PPP2R3B: variants seen among roughly 807,000 people sequenced by gnomAD.
PPP2R3B encodes serine/threonine-protein phosphatase 2A regulatory subunit B'' subunit beta.
A neutral mutation model predicts 72.9 loss-of-function variants in PPP2R3B; 68 were observed. That is an observed-to-expected ratio of 0.93 (90% CI 0.77 to 1.14). PPP2R3B has a LOEUF of 1.14. Among genes scored for constraint, PPP2R3B ranks in the 50% most tolerant of loss-of-function variants. The probability of loss-of-function intolerance (pLI) is 0.00; values close to 1 mark genes in which losing one functional copy is unlikely to be tolerated. For synonymous variants in PPP2R3B, 466 were observed against 375.8 expected (o/e 1.24, Z -2.78); for missense variants, 1,018 against 842.0 (o/e 1.21, Z -2.59).
intron 12 of PPP2R3B, chrX:338,233 G>A (rs2070942845): frequency 2.5e-6 from 1 of 406,202 alleles, no homozygotes; most frequent in Non-Finnish European, 4.6e-6. Flanking sequence ...CGAAGCGGAG[G>A]CTGGAATGGC....
chrX:335,164 G>C (rs954425890), intron 12 of PPP2R3B: 1 of 152,316 alleles, frequency 6.6e-6, no homozygotes, highest in Non-Finnish European at 1.5e-5. Context: ...CGGAGCAGGC[G>C]TGGACACGGT....
intron 12 of PPP2R3B, chrX:335,396 G>A (rs1253978405): frequency 6.6e-6 from 1 of 152,434 alleles, no homozygotes; most frequent in Non-Finnish European, 1.5e-5. Context: ...TGGCTGCCAG[G>A]TCAGAGCCAC....
At chrX:352,585 A>G (rs751833406) in intron 2 of PPP2R3B, among the ~76,000 whole-genome samples, 1 of 92,608 alleles carries the variant, frequency 1.1e-5, no homozygotes, top group East Asian at 4.1e-4. Context: ...GCTGAACCCT[A>G]TTCCATTATG....
chrX:344,240 C>G (rs184672086), intron 7 of PPP2R3B, among the ~76,000 whole-genome samples: 729 of 22,750 alleles, frequency 0.032, 63 homozygotes, highest in Middle Eastern at 0.077. Flanking sequence ...AACGGGAGGC[C>G]GGAGTGAGAC....
At chrX:346,329 G>C in intron 5 of PPP2R3B, 69 bp from the exon 6 acceptor site, 1 of 1,463,658 alleles carries the variant, frequency 6.8e-7, no homozygotes, top group Non-Finnish European at 9.3e-7. Context: ...ACGGAGACCG[G>C]GAGCCGGGAG....
chrX:334,324 G>C lies in PPP2R3B; in HGVS notation c.*43C>G. ...CACGAGCCGCGGTGGCCCGGTGGTG[G>C]CACGTGGGGAGCGGCCCCGCGGCGG... On this transcript the variant is annotated 3_prime_UTR_variant, in exon 13 of 13. Coordinates refer to ENST00000390665, the MANE Select transcript of PPP2R3B (RefSeq NM_013239.5). 1 of 1,439,160 alleles carries C rather than the reference G, an allele frequency of 6.9e-7. No homozygotes were observed. Among genetic ancestry groups the C allele is most frequent in the Non-Finnish European group, 9.1e-7 (1 of 1,101,294 alleles). 89.1% of individuals were successfully genotyped at this position (1,439,160 alleles called of 1,614,324 possible). A position where few individuals can be genotyped will look rare whatever the true frequency, so the allele number is the denominator to read the frequency against.
chrX:353,811 C>A (rs1394850029), intron 2 of PPP2R3B, among the ~76,000 whole-genome samples: 3 of 151,858 alleles, frequency 2.0e-5, no homozygotes, highest in African/African-American at 7.3e-5. Context: ...GGGGCTCACC[C>A]AAGGAGCAGG....
intron 1 of PPP2R3B, among the ~76,000 whole-genome samples, chrX:368,601 G>A (rs762140723): frequency 9.1e-6 from 1 of 109,960 alleles, no homozygotes; most frequent in South Asian, 3.0e-4. Context: ...ACCGACCGGG[G>A]GAAGGCCGGG....
chrX:341,598 G>T (rs1041448967), intron 8 of PPP2R3B: 3 of 663,772 alleles, frequency 4.5e-6, no homozygotes, highest in Non-Finnish European at 7.9e-6. Context: ...TCCAGGCAGG[G>T]TCAGGAGTGC....
rs1176321835 is a variant in PPP2R3B at position 364,021 on chromosome X, A to T, written c.325-2431T>A. 4.6e-5 allele frequency among the ~76,000 whole-genome samples: 7 copies of T among 152,248 alleles called. No individual in the cohort carries two copies. In the East Asian group the frequency reaches 1.3e-3, roughly 29 times the overall value. On this transcript the variant is annotated intron_variant, in intron 1 of 12. Transcript: ENST00000390665. ...AGGAAAGGAGGACACCTCAGGCCAC[A>T]GCTGCCTGGAAGGAAGAACCCGGGG...
At chrX:341,130 CCCCCACCAGGCG>C (rs2071060916) in intron 9 of PPP2R3B, among the ~76,000 whole-genome samples, 165 bp downstream of exon 9, 1 of 11,322 alleles carries the variant, frequency 8.8e-5, no homozygotes, top group East Asian at 3.0e-3. Flanking sequence ...TGCCGTGCAG[CCCCCACCAGGCG>C]TGCACATGTC....
At chrX:346,497 G>C in intron 5 of PPP2R3B, 1 of 631,012 alleles carries the variant, frequency 1.6e-6, no homozygotes. Flanking sequence ...AGGTGGGAAG[G>C]GGGTGCGGCC....
chrX:364,458 G>T (rs1306013682), intron 1 of PPP2R3B, among the ~76,000 whole-genome samples: 1 of 145,176 alleles, frequency 6.9e-6, no homozygotes, highest in Non-Finnish European at 1.5e-5. Flanking sequence ...TGTCTGAGCT[G>T]AGGAGTTCAA....
chrX:355,919 T>C (rs1256476184), intron 2 of PPP2R3B, among the ~76,000 whole-genome samples: 2 of 151,980 alleles, frequency 1.3e-5, no homozygotes, highest in Non-Finnish European at 2.9e-5. Flanking sequence ...GATAGTTTCA[T>C]GGGTGGGTAC....
In PPP2R3B at chrX:346,204, G is replaced by A. The variant is rs746841793; in HGVS notation, c.849C>T (p.Cys283=). The change falls in exon 6 of 13, where the codon TGC becomes TGT. Residue 283 remains cysteine (C), a synonymous_variant. Coordinates refer to ENST00000390665, the MANE Select transcript of PPP2R3B (RefSeq NM_013239.5). ...VNRSWSGRIT[C]AELRRSSFLQ... is the part of the protein sequence containing the mutation. ...GGAAGGAGCTCCTCCGCAGCTCGGCGCAGGTGATCCTGCCGGACCAGGACC... is the reference window on the plus strand; with the variant it reads ...GGAAGGAGCTCCTCCGCAGCTCGGCACAGGTGATCCTGCCGGACCAGGACC... The A allele has an allele frequency of 1.9e-5, 30 of 1,568,070 alleles. No individual in the cohort carries two copies. In the South Asian group the frequency reaches 3.3e-4, roughly 17 times the overall value.
rs1169981115 is a variant in PPP2R3B at position 334,062 on chromosome X, ACACGGACCCTTTC to A, written c.*292_*304del. The A allele has an allele frequency of 9.7e-6, 3 of 309,044 alleles. No individual in the cohort carries two copies. The highest frequency in any genetic ancestry group is 6.6e-5 in the African/African-American group (3 of 45,776). The allele number at this position is 309,044 out of a possible 1,614,324, so 19.1% of individuals were successfully genotyped here. ...GGAGCCGCCGGTCACCGTTGTGCGC[ACACGGACCCTTTC>A]CACAGACGCAGGCCCCGGAACCCAG... On this transcript the variant is annotated 3_prime_UTR_variant, in exon 13 of 13. Transcript: ENST00000390665.
rs28570493 is a variant in PPP2R3B at position 334,180 on chromosome X, T to A, written c.*187A>T. 1,481 of 624,184 alleles carry A rather than the reference T, an allele frequency of 2.4e-3. 18 individuals are homozygous for A. In the African/African-American group the frequency reaches 0.025, roughly 10 times the overall value. The allele number at this position is 624,184 out of a possible 1,614,324, so 38.7% of individuals were successfully genotyped here. A position where few individuals can be genotyped will look rare whatever the true frequency, so the allele number is the denominator to read the frequency against. On this transcript the variant is annotated 3_prime_UTR_variant, in exon 13 of 13. Coordinates refer to ENST00000390665, the MANE Select transcript of PPP2R3B (RefSeq NM_013239.5). ...TCACGCGCGGCCCTACGTGTCCCCC[T>A]GGCACAGAGCTCTGGGCAGGTCCAG...
intron 1 of PPP2R3B, among the ~76,000 whole-genome samples, chrX:386,061 A>T (rs1603153422): frequency 1.3e-5 from 2 of 152,334 alleles, no homozygotes; most frequent in Admixed American, 1.3e-4. Flanking sequence ...CAGCCTGGGC[A>T]ACAGAGCAAA....
chrX:385,199 C>T (rs867611082), intron 1 of PPP2R3B, among the ~76,000 whole-genome samples: 1 of 152,020 alleles, frequency 6.6e-6, no homozygotes, highest in Middle Eastern at 3.4e-3. Flanking sequence ...TGCGTCAGGA[C>T]ACCCTTGGTG....
Sources: allele counts gnomAD v4.1 joint callset (sites outside exome capture counted in the v4.1 genomes callset), GRCh38; gene constraint gnomAD v4.1.1; transcripts MANE v1.5; gene names NCBI Gene and HGNC (gene_info 2026-07-23, HGNC 2026-07-21).